The following ITSN2 variants were observed in gnomAD, a reference collection of about 807,000 sequenced individuals.
ITSN2 encodes intersectin 2.
ITSN2 carries 156 observed loss-of-function variants against 243.7 expected under a neutral mutation model. The observed-to-expected ratio is 0.64, with a 90% CI of 0.56 to 0.73. ITSN2 has a LOEUF of 0.73. Among genes scored for constraint, ITSN2 ranks in the 30% least tolerant of loss-of-function variants. ITSN2 has a pLI of 0.00. For synonymous variants in ITSN2, 703 were observed against 699.9 expected (o/e 1.00, Z -0.07); for missense variants, 1,801 against 1,996.1 (o/e 0.90, Z 1.86).
intron 16 of ITSN2, among the ~76,000 whole-genome samples, 193 bp from the exon 17 acceptor site, chr2:24,285,036 A>T (rs541438141): frequency 6.6e-4 from 100 of 152,036 alleles, no homozygotes; most frequent in Non-Finnish European, 1.0e-3. Context: ...AGCTGGGACT[A>T]CAGGCGCATG....
chr2:24,346,609 C>A (rs183545024), intron 1 of ITSN2, among the ~76,000 whole-genome samples: 22 of 152,250 alleles, frequency 1.4e-4, no homozygotes, highest in Admixed American at 9.8e-4. Context: ...TTATTCCTAA[C>A]ATATGTACCA....
intron 1 of ITSN2, among the ~76,000 whole-genome samples, chr2:24,352,510 A>C (rs556144293): frequency 6.6e-6 from 1 of 152,148 alleles, no homozygotes; most frequent in African/African-American, 2.4e-5. Context: ...CAAATATACA[A>C]AGCATTAAGA....
intron 17 of ITSN2, among the ~76,000 whole-genome samples, chr2:24,276,443 G>C (rs1390184767): frequency 2.0e-5 from 3 of 152,140 alleles, no homozygotes; most frequent in African/African-American, 7.2e-5. Flanking sequence ...AGCGTTCCAA[G>C]AGGATCCAAT....
At chr2:24,292,561 T>A (rs1680395832) in intron 15 of ITSN2, among the ~76,000 whole-genome samples, 1 of 152,214 alleles carries the variant, frequency 6.6e-6, no homozygotes, top group Admixed American at 6.5e-5. Flanking sequence ...CTGATATTTC[T>A]TCCACGTGAA....
At chr2:24,308,561 T>C (rs1335519329) in intron 8 of ITSN2, 56 bp downstream of exon 8, 1 of 1,121,600 alleles carries the variant, frequency 8.9e-7, no homozygotes, top group Non-Finnish European at 1.2e-6. Context: ...AGTTCTTCAG[T>C]GGAAGTCCAC....
In ITSN2 at chr2:24,338,381, T is replaced by C. The variant is rs190918259; in HGVS notation, c.-33-10266A>G. On this transcript the variant is annotated intron_variant, in intron 1 of 39. Transcript: ENST00000355123. ...CAATGTATTTCTTAAATGTATTTGA[T>C]TGAAGTCTCTTGTCTCCCTAAAATG... is the stretch of plus-strand genomic sequence containing the variant. 2.6e-5 allele frequency among the ~76,000 whole-genome samples: 4 copies of C among 152,322 alleles called. No homozygotes were observed. The East Asian group carries it at 7.7e-4, about 29-fold the overall frequency.
chr2:24,203,554 A>G lies in ITSN2; in HGVS notation c.*72T>C, dbSNP rs1266753674. 8.1e-6 allele frequency: 12 copies of G among 1,475,688 alleles called. No homozygotes were observed. The highest frequency in any genetic ancestry group is 1.4e-5 in the African/African-American group (1 of 71,198). The allele number at this position is 1,475,688 out of a possible 1,614,324, so 91.4% of individuals were successfully genotyped here. ...AGCTGCATGGTGCTCCCTCAGCCCCAAGAGAGCGCAGTCTCTCATTCTCCA... is the reference window on the plus strand; with the variant it reads ...AGCTGCATGGTGCTCCCTCAGCCCCGAGAGAGCGCAGTCTCTCATTCTCCA... On this transcript the variant is annotated 3_prime_UTR_variant, in exon 40 of 40. Coordinates refer to ENST00000355123, the MANE Select transcript of ITSN2 (RefSeq NM_006277.3).
At chr2:24,255,660 C>G (rs1674924710) in intron 23 of ITSN2, among the ~76,000 whole-genome samples, 1 of 151,716 alleles carries the variant, frequency 6.6e-6, no homozygotes, top group East Asian at 2.0e-4. Context: ...GGCATGGTGG[C>G]TCACGCCTGT....
intron 8 of ITSN2, among the ~76,000 whole-genome samples, chr2:24,307,017 G>C (rs1682638518): frequency 6.6e-6 from 1 of 152,056 alleles, no homozygotes; most frequent in Non-Finnish European, 1.5e-5. Flanking sequence ...TGTTGGCCAG[G>C]ATGGTCTCGA....
At chr2:24,330,539 A>G (rs1685663930) in intron 1 of ITSN2, 2 of 762,878 alleles carry the variant, frequency 2.6e-6, no homozygotes, top group Non-Finnish European at 4.7e-6. Context: ...AGGCCCCTGC[A>G]AAGAAGGGAG....
intron 1 of ITSN2, among the ~76,000 whole-genome samples, chr2:24,333,576 C>T (rs1385656833): frequency 1.3e-5 from 2 of 152,170 alleles, no homozygotes; most frequent in Admixed American, 6.6e-5. Flanking sequence ...TTAGAATGTT[C>T]ATATGATTTT....
At chr2:24,208,107 T>G in intron 37 of ITSN2, 130 bp downstream of exon 37, 1 of 809,298 alleles carries the variant, frequency 1.2e-6, no homozygotes. Context: ...GGGAGGGCTC[T>G]CTGGTCTGAT....
rs1314903084 is a variant in ITSN2 at position 24,210,173 on chromosome 2, G to A, written c.4258-140C>T. 1.4e-5 allele frequency: 9 copies of A among 629,270 alleles called. No homozygotes were observed. The Admixed American group carries it at 2.0e-4, about 14-fold the overall frequency. 39.0% of individuals were successfully genotyped at this position (629,270 alleles called of 1,614,324 possible). On this transcript the variant is annotated intron_variant, in intron 34 of 39. Transcript: ENST00000355123. ...GTGGCTAGAATCATTCACTTTGCAT[G>A]AAAGATCCTTAAATACATTACTCTT...
At chr2:24,300,413 C>T (rs1391340810) in intron 11 of ITSN2, among the ~76,000 whole-genome samples, 3 of 152,158 alleles carry the variant, frequency 2.0e-5, no homozygotes, top group African/African-American at 7.2e-5. Flanking sequence ...TTTTTATAAA[C>T]TTGCCAATAA....
At chr2:24,263,925 T>G (rs1002631995) in intron 20 of ITSN2, among the ~76,000 whole-genome samples, 1 of 152,224 alleles carries the variant, frequency 6.6e-6, no homozygotes, top group African/African-American at 2.4e-5. Flanking sequence ...AAGAGTGGAA[T>G]GGCTGAGTCA....
intron 2 of ITSN2, among the ~76,000 whole-genome samples, chr2:24,321,560 A>G (rs529078842): frequency 6.6e-6 from 1 of 152,344 alleles, no homozygotes; most frequent in South Asian, 2.1e-4. Flanking sequence ...CTGAAGAACT[A>G]AGGACCTAAA....
chr2:24,302,713 G>A (rs562653292), intron 9 of ITSN2, among the ~76,000 whole-genome samples: 12 of 152,308 alleles, frequency 7.9e-5, no homozygotes, highest in Middle Eastern at 6.8e-3. Flanking sequence ...TACCCCTTCT[G>A]AGAAAGTGGC....
intron 17 of ITSN2, 142 bp from the exon 18 acceptor site, chr2:24,275,991 T>C (rs1267332091): frequency 1.1e-5 from 6 of 560,732 alleles, no homozygotes; most frequent in Non-Finnish European, 1.8e-5. Flanking sequence ...TTAAAAAATA[T>C]CTAGATGATA....
intron 29 of ITSN2, among the ~76,000 whole-genome samples, chr2:24,222,029 T>C (rs534412431): frequency 6.6e-6 from 1 of 151,942 alleles, no homozygotes; most frequent in Non-Finnish European, 1.5e-5. Flanking sequence ...AAGGTGGGTG[T>C]ATCACGAGGT....
Sources: allele counts gnomAD v4.1 joint callset (sites outside exome capture counted in the v4.1 genomes callset), GRCh38; gene constraint gnomAD v4.1.1; transcripts MANE v1.5; gene names NCBI Gene and HGNC (gene_info 2026-07-23, HGNC 2026-07-21).